Variants in PLCB2 observed in about 807,000 individuals in gnomAD.
The protein encoded by PLCB2 is phospholipase C beta 2.
PLCB2 carries 115 observed loss-of-function variants against 141.7 expected under a neutral mutation model. That is an observed-to-expected ratio of 0.81 (90% CI 0.70 to 0.95). The LOEUF (loss-of-function observed/expected upper bound fraction) is 0.95. PLCB2 is among the 40% of genes least tolerant of loss of function. PLCB2 has a pLI of 0.00. For missense variants in PLCB2, 1,403 were observed against 1,541.1 expected (o/e 0.91, Z 1.50); for synonymous variants, 603 against 595.6 (o/e 1.01, Z -0.18).
chr15:40,301,599 G>A lies in PLCB2; in HGVS notation c.582+358C>T, dbSNP rs181341745. 3.5e-4 allele frequency: 246 copies of A among 702,788 alleles called. 1 individual carries two copies. Among genetic ancestry groups the A allele is most frequent in the Non-Finnish European group, 5.8e-4 (222 of 385,004 alleles). The allele number at this position is 702,788 out of a possible 1,614,324, so 43.5% of individuals were successfully genotyped here. ...CGCCTGCCACTGCCGACCTTATCTC[G>A]CTCCTCCAGGCTGAAAACATTCACG... On this transcript the variant is annotated intron_variant, in intron 7 of 31. Coordinates refer to ENST00000260402, the MANE Select transcript of PLCB2 (RefSeq NM_004573.3).
Position 40,292,957 on chromosome 15 carries a change from G to A in PLCB2, c.2295C>T (p.His765=). 1 of 1,607,170 alleles carries A rather than the reference G, an allele frequency of 6.2e-7. No homozygotes were observed. Among genetic ancestry groups the A allele is most frequent in the Non-Finnish European group, 8.5e-7 (1 of 1,176,294 alleles). ...TTAGGGCATTGATGGGGATGATGCG[G>A]TGTCCAAGAAACTTGTTGCCTTCCT... ...VMEEGNKFLG[H]RIIPINALNS... is the part of the protein sequence containing the mutation. Residue 765 remains histidine (H), a synonymous_variant, in exon 21 of 32, where the codon CAC becomes CAT. Coordinates refer to ENST00000260402, the MANE Select transcript of PLCB2 (RefSeq NM_004573.3).
intron 24 of PLCB2, 39 bp downstream of exon 24, chr15:40,291,810 G>A (rs144615439): frequency 7.3e-5 from 118 of 1,613,738 alleles, no homozygotes; most frequent in South Asian, 5.3e-4. Flanking sequence ...GTGCAGAGGT[G>A]GAGGTGCCCC....
intron 27 of PLCB2, 58 bp from the exon 28 acceptor site, chr15:40,290,895 G>A: frequency 7.3e-7 from 1 of 1,378,472 alleles, no homozygotes; most frequent in Non-Finnish European, 1.0e-6. Context: ...AGGGAGTACG[G>A]GGGGCGGGGG....
rs2039990435 is a variant in PLCB2, at chr15:40,292,438, G to A, written c.2332C>T (p.His778Tyr). Residue 778 changes from histidine (H) to tyrosine (Y), a missense_variant, in exon 22 of 32, where the codon CAC becomes TAC. Physicochemically the swap from His to Tyr is moderately conservative, Grantham distance 83. Around this residue, in one of 4 missense-constraint regions of PLCB2, gnomAD observed 975 missense variants for 1,141.1 expected, o/e 0.85. Coordinates refer to ENST00000260402, the MANE Select transcript of PLCB2 (RefSeq NM_004573.3). ...IPINALNSGY[H>Y]HLCLHSESNM... is the part of the protein sequence containing the mutation. ...CTCTCACTGTGCAGGCACAGGTGGT[G>A]GTACCCTGTGAGACAGGACAGGGTA... 3 of 1,611,292 alleles carry A rather than the reference G, an allele frequency of 1.9e-6. No individual in the cohort carries two copies. The highest frequency in any genetic ancestry group is 1.1e-5 in the South Asian group (1 of 90,952).
rs916924497 is a variant in PLCB2 at position 40,291,701 on chromosome 15, TC to T, written c.2603-52del. 7.5e-6 allele frequency: 12 copies of T among 1,607,122 alleles called. No homozygotes were observed. In the African/African-American group the frequency reaches 1.6e-4, roughly 21 times the overall value. On this transcript the variant is annotated intron_variant, in intron 24 of 31. Coordinates refer to ENST00000260402, the MANE Select transcript of PLCB2 (RefSeq NM_004573.3). ...CAGGTGCTCTGGGGGGCCCCTTGGC[TC>T]CGTTCGCCTCCTCCACACCGCCCCC...
Position 40,307,738 on chromosome 15 carries a change from C to A in PLCB2, c.-66G>T. The A allele has an allele frequency of 2.1e-6, 3 of 1,403,208 alleles. No homozygotes were observed. The highest frequency in any genetic ancestry group is 1.4e-5 in the South Asian group (1 of 70,648). 86.9% of individuals were successfully genotyped at this position (1,403,208 alleles called of 1,614,324 possible). ...GGCAGGCAGAAGGGCAGGAAGGAGG[C>A]CAGCCAGGAGGGGGAGCCAAGCTGG... On this transcript the variant is annotated 5_prime_UTR_variant, in exon 1 of 32. Coordinates refer to ENST00000260402, the MANE Select transcript of PLCB2 (RefSeq NM_004573.3).
intron 2 of PLCB2, 46 bp downstream of exon 2, chr15:40,303,955 A>G (rs756459514): frequency 1.1e-5 from 15 of 1,337,122 alleles, no homozygotes; most frequent in East Asian, 7.4e-5. Context: ...TCTGGCCTCA[A>G]TGATAAGCAG....
At chr15:40,302,654 C>A in intron 3 of PLCB2, 45 bp from the exon 4 acceptor site, 1 of 1,605,972 alleles carries the variant, frequency 6.2e-7, no homozygotes, top group Non-Finnish European at 8.5e-7. Context: ...GTGCTCCCTC[C>A]CTGCCCAGTG....
Position 40,288,539 on chromosome 15 carries a change from C to T in PLCB2, c.*176G>A, listed in dbSNP as rs751552487. 13 of 1,333,690 alleles carry T rather than the reference C, an allele frequency of 9.7e-6. No homozygotes were observed. The highest frequency in any genetic ancestry group is 5.4e-5 in the East Asian group (2 of 37,378). 82.6% of individuals were successfully genotyped at this position (1,333,690 alleles called of 1,614,324 possible). ...CCAGAGAGGCCCTGCCGTGAGGGTGCCTGGGTCCTGTCTCAGACTCTGGCC... is the reference window on the plus strand; with the variant it reads ...CCAGAGAGGCCCTGCCGTGAGGGTGTCTGGGTCCTGTCTCAGACTCTGGCC... On this transcript the variant is annotated 3_prime_UTR_variant, in exon 32 of 32. Coordinates refer to ENST00000260402, the MANE Select transcript of PLCB2 (RefSeq NM_004573.3).
intron 7 of PLCB2, chr15:40,301,483 C>G (rs1481187652): frequency 2.9e-6 from 2 of 696,222 alleles, no homozygotes; most frequent in Non-Finnish European, 5.2e-6. Flanking sequence ...CTTTTCTGTA[C>G]AGAGCAGAAG....
At position 40,293,667 on chromosome 15, in the gene PLCB2, GCTCCA is replaced by G; in HGVS notation, c.2114_2118del (p.Val705AlafsTer15). 1 of 1,614,146 alleles carries G rather than the reference GCTCCA, an allele frequency of 6.2e-7. No homozygotes were observed. The highest frequency in any genetic ancestry group is 8.5e-7 in the Non-Finnish European group (1 of 1,180,002). On this transcript the variant is annotated frameshift_variant, in exon 20 of 32. Coordinates refer to ENST00000260402, the MANE Select transcript of PLCB2 (RefSeq NM_004573.3). LOFTEE classifies it high-confidence loss of function. ...TTGGGGTCCCCAGGAAGGCCAAACAGCTCCACTTCTACATAGGTGCGCACGCTGCG... is the reference window on the plus strand; with the variant it reads ...TTGGGGTCCCCAGGAAGGCCAAACAGCTTCTACATAGGTGCGCACGCTGCG...
chr15:40,290,905 GT>G, intron 27 of PLCB2, 68 bp from the exon 28 acceptor site: 4 of 1,296,068 alleles, frequency 3.1e-6, no homozygotes, highest in Non-Finnish European at 4.3e-6. Flanking sequence ...GGGGGCGGGG[GT>G]CGGTGGAGGG....
chr15:40,291,105 C>T lies in PLCB2; in HGVS notation c.2949G>A (p.Leu983=). 6.3e-7 allele frequency: 1 copy of T among 1,585,614 alleles called. No homozygotes were observed. Among genetic ancestry groups the T allele is most frequent in the Non-Finnish European group, 8.5e-7 (1 of 1,173,824 alleles). The change falls in exon 27 of 32, where the codon CTG becomes CTA. Residue 983 remains leucine (L), a synonymous_variant. Coordinates refer to ENST00000260402, the MANE Select transcript of PLCB2 (RefSeq NM_004573.3). ...PEGVDGRVRE[L]KDRLELELLR... is the part of the protein sequence containing the mutation. ...GCAGCTCCAGCTCCAGCCTGTCTTT[C>T]AGCTCCCGCACGCGCCCGTCCACGC...
chr15:40,305,824 A>C (rs575523402), intron 1 of PLCB2, among the ~76,000 whole-genome samples: 1 of 152,194 alleles, frequency 6.6e-6, no homozygotes, highest in Admixed American at 6.5e-5. Flanking sequence ...CTCCCTCCCT[A>C]TAGCTCATGC....
chr15:40,288,205 G>A lies in PLCB2; in HGVS notation c.*510C>T, dbSNP rs1053546819. 1.2e-5 allele frequency: 12 copies of A among 985,660 alleles called. No homozygotes were observed. Among genetic ancestry groups the A allele is most frequent in the East Asian group, 1.1e-4 (1 of 8,818 alleles). The allele number at this position is 985,660 out of a possible 1,614,324, so 61.1% of individuals were successfully genotyped here. A position where few individuals can be genotyped will look rare whatever the true frequency, so the allele number is the denominator to read the frequency against. Reference sequence around the variant, plus strand: ...GAGGGCCCTCAGCCAGGGAGTGGCCGTCCCCAGGGAGCTGTGAGGTAGTGC... The same window carrying A: ...GAGGGCCCTCAGCCAGGGAGTGGCCATCCCCAGGGAGCTGTGAGGTAGTGC... On this transcript the variant is annotated 3_prime_UTR_variant, in exon 32 of 32. Transcript: ENST00000260402.
In PLCB2 at chr15:40,291,742, T is replaced by G. The variant is rs771704685; in HGVS notation, c.2603-92A>C. 5 of 1,602,376 alleles carry G rather than the reference T, an allele frequency of 3.1e-6. No homozygotes were observed. The East Asian group carries it at 9.0e-5, about 29-fold the overall frequency. On this transcript the variant is annotated intron_variant, in intron 24 of 31. Transcript: ENST00000260402. ...ACACCGCCCCCTGGGAGTCGCAGTA[T>G]GTGCCCCCTGCCCCGCACTTTCCCT...
chr15:40,305,362 C>T (rs1167948193), intron 1 of PLCB2, among the ~76,000 whole-genome samples: 2 of 152,028 alleles, frequency 1.3e-5, no homozygotes, highest in Non-Finnish European at 2.9e-5. Flanking sequence ...CACCCCACAA[C>T]AGGCCCCTGT....
At position 40,296,732 on chromosome 15, in the gene PLCB2, C is replaced by A. The variant is rs755467374; in HGVS notation, c.1486+14G>T. The A allele has an allele frequency of 1.9e-6, 3 of 1,611,076 alleles. No individual in the cohort carries two copies. The African/African-American group carries it at 4.0e-5, about 22-fold the overall frequency. On this transcript the variant is annotated intron_variant, in intron 14 of 31. Coordinates refer to ENST00000260402, the MANE Select transcript of PLCB2 (RefSeq NM_004573.3). ...TGCTCCTAATACCCCCCACCATAGT[C>A]CTCCCCGACTCACCTGTGCCCTCAC...
At chr15:40,296,992 G>T in intron 13 of PLCB2, 84 bp from the exon 14 acceptor site, 2 of 1,397,424 alleles carry the variant, frequency 1.4e-6, no homozygotes, top group Non-Finnish European at 1.0e-6. Flanking sequence ...TGCTCCCTCG[G>T]CCTCCCCCAC....
Sources: allele counts gnomAD v4.1 joint callset (sites outside exome capture counted in the v4.1 genomes callset), GRCh38; gene constraint gnomAD v4.1.1; regional missense constraint gnomAD v4.1.1; transcripts MANE v1.5; gene names NCBI Gene and HGNC (gene_info 2026-07-23, HGNC 2026-07-21).